SNX9: variants seen among roughly 807,000 people sequenced by gnomAD.
The protein encoded by SNX9 is sorting nexin-9.
Under a neutral mutation model 89.4 loss-of-function variants are expected in SNX9, and 44 were observed. The ratio of observed to expected loss-of-function variants is 0.49; its 90% CI spans 0.39 to 0.63. The LOEUF (loss-of-function observed/expected upper bound fraction) is 0.63, where lower values mean the gene tolerates loss of function less well. SNX9 is among the 30% of genes least tolerant of loss of function. The pLI is 0.00. For synonymous variants in SNX9, 236 were observed against 247.8 expected, an observed-to-expected ratio of 0.95 and a Z score of 0.45; for missense variants, 578 against 736.1, an observed-to-expected ratio of 0.79 and a Z score of 2.49.
intron 13 of SNX9, chr6:157,934,380 A>C (rs1783879296): frequency 1.3e-5 from 2 of 152,226 alleles, no homozygotes; most frequent in African/African-American, 4.8e-5. Context: ...GAATAATGTA[A>C]ATGCTTTACA....
At chr6:157,826,502 G>GGAAAAAA (rs1554290484) in intron 1 of SNX9, among the ~76,000 whole-genome samples, 39 of 78,004 alleles carry the variant, frequency 5.0e-4, no homozygotes, top group African/African-American at 1.6e-3. Context: ...TCCATCTCAA[G>GGAAAAAA]AAAAAAAAAA....
intron 1 of SNX9, among the ~76,000 whole-genome samples, chr6:157,831,280 T>C (rs1423016119): frequency 6.6e-6 from 1 of 152,236 alleles, no homozygotes; most frequent in Non-Finnish European, 1.5e-5. Context: ...TCCTATTACC[T>C]AGATTGAGGT....
intron 4 of SNX9, among the ~76,000 whole-genome samples, chr6:157,892,376 C>T (rs1736760349): frequency 2.0e-5 from 3 of 151,996 alleles, no homozygotes; most frequent in African/African-American, 4.8e-5. Flanking sequence ...GTCCGAGGGC[C>T]GTGACGGAAG....
intron 1 of SNX9, among the ~76,000 whole-genome samples, chr6:157,845,367 TC>T (rs1380801200): frequency 1.3e-5 from 2 of 152,230 alleles, no homozygotes; most frequent in African/African-American, 4.8e-5. Flanking sequence ...TGCCTTGGCC[TC>T]CCAAAGTGCT....
At chr6:157,885,379 T>C (rs967041583) in intron 4 of SNX9, 2 of 152,216 alleles carry the variant, frequency 1.3e-5, no homozygotes, top group African/African-American at 2.4e-5. Flanking sequence ...GTCATGTCCT[T>C]TGAGCCAAAG....
rs1359834939 is a variant in SNX9, at chr6:157,823,611, C to A, written c.12+165C>A. Among the ~76,000 whole-genome samples the A allele has an allele frequency of 6.6e-6, 1 of 151,880 alleles. No individual in the cohort carries two copies. The highest frequency in any genetic ancestry group is 1.9e-4 in the East Asian group (1 of 5,154). On this transcript the variant is annotated intron_variant, in intron 1 of 17. Transcript: ENST00000392185. The surrounding 1 kb of genome is among the most constrained non-coding windows in gnomAD (Gnocchi z 4.6). ...GGGTCCGCGGCCCAGCCAGTCCCTT[C>A]TGGGCATGGGTGCGGCGGGCAGTGC...
At chr6:157,833,733 C>T (rs779221365) in intron 1 of SNX9, among the ~76,000 whole-genome samples, 1 of 152,180 alleles carries the variant, frequency 6.6e-6, no homozygotes, top group Non-Finnish European at 1.5e-5. Context: ...CACTTCTCCT[C>T]CCGCCTTCCT....
intron 10 of SNX9, 121 bp from the exon 11 acceptor site, chr6:157,926,990 G>A (rs1783707054): frequency 1.5e-6 from 1 of 682,282 alleles, no homozygotes; most frequent in Non-Finnish European, 2.6e-6. Flanking sequence ...GAGATAGAGT[G>A]GGAGCTGCTT....
chr6:157,878,985 A>G (rs541126743), intron 4 of SNX9, among the ~76,000 whole-genome samples: 14 of 152,230 alleles, frequency 9.2e-5, no homozygotes, highest in Non-Finnish European at 1.8e-4. Flanking sequence ...AGATTCTTCT[A>G]TCAAACTAGC....
intron 1 of SNX9, among the ~76,000 whole-genome samples, chr6:157,832,937 A>G (rs1781504054): frequency 6.6e-6 from 1 of 152,224 alleles, no homozygotes; most frequent in Non-Finnish European, 1.5e-5. Flanking sequence ...CTTCCATAGT[A>G]CAGCTCCACA....
At chr6:157,877,515 A>G (rs1457009073) in intron 4 of SNX9, among the ~76,000 whole-genome samples, 1 of 152,226 alleles carries the variant, frequency 6.6e-6, no homozygotes, top group Non-Finnish European at 1.5e-5. Flanking sequence ...AAATACCATG[A>G]AAGATGTCAC....
intron 4 of SNX9, among the ~76,000 whole-genome samples, chr6:157,886,040 C>G (rs1376035978): frequency 6.6e-6 from 1 of 152,194 alleles, no homozygotes; most frequent in Non-Finnish European, 1.5e-5. Context: ...TGGAGACAGA[C>G]AGACGTCGTG....
chr6:157,884,094 G>A (rs1782684209), intron 4 of SNX9, among the ~76,000 whole-genome samples: 2 of 152,208 alleles, frequency 1.3e-5, no homozygotes, highest in Admixed American at 1.3e-4. Context: ...CACAGGCCTA[G>A]GAGCTGTCCA....
chr6:157,911,772 TTTTATG>T (rs1783351827), intron 9 of SNX9, among the ~76,000 whole-genome samples: 1 of 152,258 alleles, frequency 6.6e-6, no homozygotes, highest in South Asian at 2.1e-4. Context: ...TTTTACTTTG[TTTTATG>T]TTTATTTTTC....
intron 1 of SNX9, among the ~76,000 whole-genome samples, chr6:157,852,194 CG>C (rs1198642225): frequency 1.2e-4 from 18 of 152,182 alleles, no homozygotes; most frequent in African/African-American, 4.3e-4. Context: ...TGTTTTCTAC[CG>C]TGGCTGTACC....
intron 6 of SNX9, among the ~76,000 whole-genome samples, chr6:157,902,524 G>A (rs1024250185): frequency 3.9e-5 from 6 of 152,124 alleles, no homozygotes; most frequent in African/African-American, 1.4e-4. Context: ...GATGCCCAGA[G>A]AGACGCATCG....
intron 5 of SNX9, among the ~76,000 whole-genome samples, chr6:157,897,286 A>C (rs529112319): frequency 6.6e-6 from 1 of 152,178 alleles, no homozygotes; most frequent in Non-Finnish European, 1.5e-5. Context: ...GAACTCAGGG[A>C]AACACTTTAC....
chr6:157,869,990 ACT>A (rs1011103170), intron 2 of SNX9, among the ~76,000 whole-genome samples: 9 of 149,948 alleles, frequency 6.0e-5, no homozygotes, highest in African/African-American at 1.2e-4. Context: ...GTACCTTCTC[ACT>A]CTCACCTCTC....
chr6:157,873,842 A>G (rs2115141147), intron 3 of SNX9, among the ~76,000 whole-genome samples: 1 of 152,044 alleles, frequency 6.6e-6, no homozygotes, highest in African/African-American at 2.4e-5. Context: ...AGCTGTTAGG[A>G]TGGATACCCA....
Sources: gnomAD v4.1 joint callset for allele counts (sites outside exome capture counted in the v4.1 genomes callset) on GRCh38, gnomAD v4.1.1 for gene constraint, Gnocchi (gnomAD v3.1) non-coding constraint, MANE v1.5 for transcripts, NCBI Gene and HGNC (gene_info 2026-07-23, HGNC 2026-07-21) for gene names.